STK31: variants seen among roughly 807,000 people sequenced by gnomAD.
STK31 encodes the protein serine/threonine-protein kinase 31.
STK31 carries 89 observed loss-of-function variants against 129.7 expected under a neutral mutation model. The ratio of observed to expected loss-of-function variants is 0.69; its 90% confidence interval spans 0.58 to 0.82. STK31 has a LOEUF of 0.82. Ranked by LOEUF, STK31 falls within the 40% of genes least tolerant of loss-of-function variation. The probability of loss-of-function intolerance (pLI) is 0.00; values close to 1 mark genes in which losing one functional copy is unlikely to be tolerated. For missense variants in STK31, 1,187 were observed against 1,176.4 expected, an observed-to-expected ratio of 1.01 and a Z score of -0.13; for synonymous variants, 448 against 395.3, an observed-to-expected ratio of 1.13 and a Z score of -1.58.
chr7:23,727,322 A>T lies in STK31; in HGVS notation c.324+7A>T. 1 of 1,612,996 alleles carries T rather than the reference A, an allele frequency of 6.2e-7. No individual in the cohort carries two copies. ...AATCATCAGCGTTGAAAAGGCAGGA[A>T]ATTAAGTGTTCAGTTTTTTTTTGCT... On this transcript the variant is annotated splice_region_variant and intron_variant, in intron 5 of 23. Coordinates refer to ENST00000355870, the MANE Select transcript of STK31 (RefSeq NM_031414.5).
At chr7:23,826,426 C>A (rs1242356513) in intron 23 of STK31, among the ~76,000 whole-genome samples, 4 of 152,022 alleles carry the variant, frequency 2.6e-5, no homozygotes, top group African/African-American at 9.7e-5. Context: ...GCAACCCCTG[C>A]CTTTTTTTGT....
intron 23 of STK31, among the ~76,000 whole-genome samples, chr7:23,821,263 A>G (rs1284718877): frequency 6.6e-6 from 1 of 152,214 alleles, no homozygotes; most frequent in Non-Finnish European, 1.5e-5. Flanking sequence ...ATTTCCACTA[A>G]CAATGTATAA....
chr7:23,764,464 C>G (rs970037009), intron 11 of STK31, among the ~76,000 whole-genome samples: 2 of 152,110 alleles, frequency 1.3e-5, no homozygotes, highest in Non-Finnish European at 2.9e-5. Flanking sequence ...AAAGATATTT[C>G]TATAATGAAG....
chr7:23,717,559 G>C lies in STK31; in HGVS notation c.229G>C (p.Gly77Arg). ...EVCPQASSVL[G>R]NLDPNKIYGG... The stretch of plus-strand genomic sequence containing the variant: ...TTGCCCCCAGGCCAGTTCAGTTTTG[G>C]GGAATCTTGACCCAAACAAGGTGAG... Residue 77 changes from glycine (G) to arginine (R), a missense_variant, in exon 4 of 24, where the codon GGG becomes CGG. Around this residue, in one of 5 missense-constraint regions of STK31, gnomAD observed 104 missense variants for 98.3 expected, o/e 1.06. Coordinates refer to ENST00000355870, the MANE Select transcript of STK31 (RefSeq NM_031414.5). The C allele has an allele frequency of 1.2e-6, 2 of 1,612,270 alleles. No homozygotes were observed. The highest frequency in any genetic ancestry group is 8.5e-7 in the Non-Finnish European group (1 of 1,178,960).
At position 23,727,335 on chromosome 7, in the gene STK31, G is replaced by T. The variant is rs1439261128; in HGVS notation, c.324+20G>T. The T allele has an allele frequency of 1.3e-6, 2 of 1,583,450 alleles. No individual in the cohort carries two copies. Among genetic ancestry groups the T allele is most frequent in the South Asian group, 1.1e-5 (1 of 89,334 alleles). The stretch of plus-strand genomic sequence containing the variant: ...GAAAAGGCAGGAAATTAAGTGTTCA[G>T]TTTTTTTTTGCTTTAAGAAATATTT... On this transcript the variant is annotated intron_variant, in intron 5 of 23. Transcript: ENST00000355870.
chr7:23,710,429 G>A (rs1206959575), intron 1 of STK31, 94 bp downstream of exon 1: 1 of 1,595,022 alleles, frequency 6.3e-7, no homozygotes, highest in Non-Finnish European at 8.5e-7. Flanking sequence ...CCTGGGACGA[G>A]GCCCATTTCA....
At chr7:23,812,413 CT>C (rs66609610) in intron 22 of STK31, among the ~76,000 whole-genome samples, 29,884 of 110,630 alleles carry the variant, frequency 0.27, 3,629 homozygotes, top group Non-Finnish European at 0.33. Flanking sequence ...CATTCCTTTC[CT>C]TTTTTTTTTT....
chr7:23,780,184 C>A (rs2128107923), intron 15 of STK31, among the ~76,000 whole-genome samples: 1 of 152,178 alleles, frequency 6.6e-6, no homozygotes, highest in African/African-American at 2.4e-5. Flanking sequence ...CTAACTAGTC[C>A]CAGTGAGATA....
intron 22 of STK31, among the ~76,000 whole-genome samples, chr7:23,800,866 A>G (rs1584470096): frequency 6.6e-6 from 1 of 152,254 alleles, no homozygotes; most frequent in East Asian, 1.9e-4. Context: ...ATCTTTTGTG[A>G]TTCATTCAAG....
At chr7:23,792,137 T>A (rs1791657496) in intron 22 of STK31, among the ~76,000 whole-genome samples, 1 of 152,048 alleles carries the variant, frequency 6.6e-6, no homozygotes, top group Non-Finnish European at 1.5e-5. Context: ...TTCCAATCAG[T>A]GTAATAAGGT....
At chr7:23,782,517 T>G (rs996007616) in intron 16 of STK31, among the ~76,000 whole-genome samples, 2 of 151,074 alleles carry the variant, frequency 1.3e-5, no homozygotes, top group Non-Finnish European at 2.9e-5. Flanking sequence ...GTAATAATAT[T>G]AATACTGTGA....
chr7:23,735,599 C>T lies in STK31; in HGVS notation c.545C>T (p.Thr182Ile). ...EKEIKMRIKATSEDGTVIAQA... is the reference protein window; with the variant it reads ...EKEIKMRIKAISEDGTVIAQA... ...GAAATAAAAATGAGAATTAAAGCAA[C>T]CTCTGAAGATGGAACAGTTATTGCT... The change falls in exon 7 of 24, where the codon ACC becomes ATC. Residue 182 changes from threonine (T) to isoleucine (I), a missense_variant. This residue lies in a region of STK31 where 103 missense variants were observed against 110.4 expected (regional missense o/e 0.93). Transcript: ENST00000355870. 1 of 1,613,064 alleles carries T rather than the reference C, an allele frequency of 6.2e-7. No homozygotes were observed. Among genetic ancestry groups the T allele is most frequent in the South Asian group, 1.1e-5 (1 of 90,792 alleles).
chr7:23,770,780 T>C (rs1025810520), intron 13 of STK31, among the ~76,000 whole-genome samples: 2 of 151,630 alleles, frequency 1.3e-5, no homozygotes, highest in Non-Finnish European at 2.9e-5. Context: ...TAATTAAAAA[T>C]TTTTTTTTAG....
intron 11 of STK31, among the ~76,000 whole-genome samples, chr7:23,765,428 T>C (rs1350586000): frequency 6.6e-5 from 10 of 152,184 alleles, no homozygotes; most frequent in African/African-American, 2.4e-4. Flanking sequence ...ATTTAATTTT[T>C]GAAAGCACCC....
At position 23,823,497 on chromosome 7, in the gene STK31, GCCC is replaced by G. The variant is rs2128131054; in HGVS notation, c.2829+8286_2829+8288del. Among the ~76,000 whole-genome samples, 3 of 152,052 alleles carry G rather than the reference GCCC, an allele frequency of 2.0e-5. No homozygotes were observed. In the East Asian group the frequency reaches 5.8e-4, roughly 29 times the overall value. On this transcript the variant is annotated intron_variant, in intron 23 of 23. Coordinates refer to ENST00000355870, the MANE Select transcript of STK31 (RefSeq NM_031414.5). ...AGTTCATTGTAGATTCTGGATATTAGCCCTTTGTCAGATGAGTAGGTTGCAAAA... is the reference window on the plus strand; with the variant it reads ...AGTTCATTGTAGATTCTGGATATTAGTTTGTCAGATGAGTAGGTTGCAAAA...
At chr7:23,827,454 C>CT (rs1188133030) in intron 23 of STK31, among the ~76,000 whole-genome samples, 1 of 152,156 alleles carries the variant, frequency 6.6e-6, no homozygotes, top group Non-Finnish European at 1.5e-5. Context: ...CCATGAGGTC[C>CT]TTTAAGGACT....
chr7:23,806,409 C>T (rs889302853), intron 22 of STK31, among the ~76,000 whole-genome samples: 2 of 152,184 alleles, frequency 1.3e-5, no homozygotes, highest in African/African-American at 2.4e-5. Flanking sequence ...GACCAGCTCA[C>T]GTGACTTGTG....
At chr7:23,816,722 T>G (rs966963495) in intron 23 of STK31, among the ~76,000 whole-genome samples, 1 of 152,254 alleles carries the variant, frequency 6.6e-6, no homozygotes, top group Non-Finnish European at 1.5e-5. Flanking sequence ...CTCTGTTCAC[T>G]AAGACAGAAG....
chr7:23,832,394 C>A lies in STK31; in HGVS notation c.*28C>A. ...TATTATTGTTGTTGTTGCAGAGGTT[C>A]TTTTTAAAAACTTTGGTTTGGTTAA... On this transcript the variant is annotated 3_prime_UTR_variant, in exon 24 of 24. Transcript: ENST00000355870. 6.6e-7 allele frequency: 1 copy of A among 1,520,350 alleles called. No homozygotes were observed. Among genetic ancestry groups the A allele is most frequent in the Non-Finnish European group, 8.8e-7 (1 of 1,136,526 alleles). 94.2% of individuals were successfully genotyped at this position (1,520,350 alleles called of 1,614,324 possible).
Sources: gnomAD v4.1 joint callset for allele counts (sites outside exome capture counted in the v4.1 genomes callset) on GRCh38, gnomAD v4.1.1 for gene constraint, gnomAD v4.1.1 regional missense constraint, MANE v1.5 for transcripts, NCBI Gene and HGNC (gene_info 2026-07-23, HGNC 2026-07-21) for gene names.